DGCR8: variants seen among roughly 807,000 people sequenced by gnomAD.
DGCR8 encodes the protein DGCR8 microprocessor complex subunit.
DGCR8 carries 14 observed loss-of-function variants against 78.5 expected under a neutral mutation model. The observed-to-expected ratio is 0.18, with a 90% CI of 0.12 to 0.28. DGCR8 has a LOEUF of 0.28. Ranked by LOEUF, DGCR8 falls within the 10% of genes least tolerant of loss-of-function variation. The probability of loss-of-function intolerance (pLI) is 1.00; values close to 1 mark genes in which losing one functional copy is unlikely to be tolerated. For missense variants in DGCR8, 702 were observed against 1,022.5 expected (o/e 0.69, Z 4.28); for synonymous variants, 399 against 402.4 (o/e 0.99, Z 0.10).
In DGCR8 at chr22:20,110,884, G is replaced by C. The variant is rs1304635414; in HGVS notation, c.*776G>C. The stretch of plus-strand genomic sequence containing the variant: ...ACTGAGGCCCTCTCTGCCTTTCCTG[G>C]CCTCCGGCAACAGTTTTTTACAAAG... On this transcript the variant is annotated 3_prime_UTR_variant, in exon 14 of 14. Coordinates refer to ENST00000351989, the MANE Select transcript of DGCR8 (RefSeq NM_022720.7). The C allele has an allele frequency of 7.2e-6, 2 of 278,688 alleles. No homozygotes were observed. Among genetic ancestry groups the C allele is most frequent in the Non-Finnish European group, 1.3e-5 (2 of 151,230 alleles). 17.3% of individuals were successfully genotyped at this position (278,688 alleles called of 1,614,324 possible).
intron 9 of DGCR8, among the ~76,000 whole-genome samples, chr22:20,097,769 T>A (rs933547817): frequency 1.6e-4 from 25 of 151,886 alleles, no homozygotes; most frequent in African/African-American, 4.6e-4. Context: ...CTGTCTTTTT[T>A]AAAAAAATTC....
At chr22:20,100,656 GTTC>G (rs1362721134) in intron 9 of DGCR8, 15 of 985,324 alleles carry the variant, frequency 1.5e-5, no homozygotes, top group Non-Finnish European at 1.8e-5. Context: ...CCACTCTGGG[GTTC>G]TTCTGTGAAG....
At chr22:20,106,460 C>A in intron 10 of DGCR8, 132 bp from the exon 11 acceptor site, 1 of 828,460 alleles carries the variant, frequency 1.2e-6, no homozygotes, top group Admixed American at 2.1e-5. Flanking sequence ...GTGGAGAATT[C>A]CCTCCTCTGG....
chr22:20,087,428 G>A lies in DGCR8; in HGVS notation c.880+107G>A. 1 of 1,308,858 alleles carries A rather than the reference G, an allele frequency of 7.6e-7. No homozygotes were observed. Among genetic ancestry groups the A allele is most frequent in the African/African-American group, 1.5e-5 (1 of 67,036 alleles). 81.1% of individuals were successfully genotyped at this position (1,308,858 alleles called of 1,614,324 possible). ...GCTCTGGTGCCAGGTAGTGGGCTGGGTGGAGGCATGTTTGAGGACAGGACA... is the reference window on the plus strand; with the variant it reads ...GCTCTGGTGCCAGGTAGTGGGCTGGATGGAGGCATGTTTGAGGACAGGACA... On this transcript the variant is annotated intron_variant, in intron 3 of 13. Transcript: ENST00000351989. This position sits in a 1 kb window ranked among gnomAD's most constrained non-coding sequence, Gnocchi z 4.1.
chr22:20,092,057 C>G (rs1318999452), intron 7 of DGCR8, 87 bp downstream of exon 7: 1 of 1,014,776 alleles, frequency 9.9e-7, no homozygotes, highest in Admixed American at 2.1e-5. Flanking sequence ...TGACCGCTAG[C>G]CCTACTCTAC....
intron 9 of DGCR8, among the ~76,000 whole-genome samples, chr22:20,099,093 G>C (rs2049665380): frequency 6.6e-6 from 1 of 152,210 alleles, no homozygotes; most frequent in Admixed American, 6.5e-5. Flanking sequence ...GATGAGAGCT[G>C]TGGGTCTGTG....
intron 9 of DGCR8, among the ~76,000 whole-genome samples, chr22:20,096,812 C>T (rs1312739622): frequency 6.6e-6 from 1 of 152,134 alleles, no homozygotes; most frequent in Non-Finnish European, 1.5e-5. Context: ...TGTGCTATGT[C>T]AGCTGTAGGT....
chr22:20,102,089 T>C (rs1051816645), intron 9 of DGCR8: 3 of 982,412 alleles, frequency 3.1e-6, no homozygotes, highest in Non-Finnish European at 3.6e-6. Context: ...TCTTTTTTTT[T>C]TTTCATCTTA....
At chr22:20,096,664 G>C (rs2049632178) in intron 9 of DGCR8, 1 of 173,674 alleles carries the variant, frequency 5.8e-6, no homozygotes, top group African/African-American at 2.4e-5. Context: ...ATACCCATTA[G>C]CATTCCCTCT....
chr22:20,111,837 T>G lies in DGCR8; in HGVS notation c.*1729T>G. 1 of 186,694 alleles carries G rather than the reference T, an allele frequency of 5.4e-6. No individual in the cohort carries two copies. The highest frequency in any genetic ancestry group is 1.1e-5 in the Non-Finnish European group (1 of 90,688). 11.6% of individuals were successfully genotyped at this position (186,694 alleles called of 1,614,324 possible). A position where few individuals can be genotyped will look rare whatever the true frequency, so the allele number is the denominator to read the frequency against. ...CTGGGCTGTGCCTGGAAGGCGAGCC[T>G]TGATTGTCTGAACACATAAAGCAAA... On this transcript the variant is annotated 3_prime_UTR_variant, in exon 14 of 14. Coordinates refer to ENST00000351989, the MANE Select transcript of DGCR8 (RefSeq NM_022720.7).
Position 20,111,531 on chromosome 22 carries a change from T to G in DGCR8, c.*1423T>G, listed in dbSNP as rs1357309641. 2.5e-6 allele frequency: 1 copy of G among 397,760 alleles called. No individual in the cohort carries two copies. Among genetic ancestry groups the G allele is most frequent in the African/African-American group, 2.1e-5 (1 of 48,616 alleles). 24.6% of individuals were successfully genotyped at this position (397,760 alleles called of 1,614,324 possible). On this transcript the variant is annotated 3_prime_UTR_variant, in exon 14 of 14. Coordinates refer to ENST00000351989, the MANE Select transcript of DGCR8 (RefSeq NM_022720.7). Reference sequence around the variant, plus strand: ...ACACTTGCTTCTGTCTTGCCTCCTGTCTGCAGCTGTGAATAGTCATTTGAC... The same window carrying G: ...ACACTTGCTTCTGTCTTGCCTCCTGGCTGCAGCTGTGAATAGTCATTTGAC...
Position 20,085,842 on chromosome 22 carries a change from G to A in DGCR8, c.-122G>A, listed in dbSNP as rs933098859. On this transcript the variant is annotated 5_prime_UTR_variant, in exon 2 of 14. Transcript: ENST00000351989. The surrounding 1 kb of genome is among the most constrained non-coding windows in gnomAD (Gnocchi z 6.2). ...GCAATGTGGCCAGCTTGACTAAGCC[G>A]CCAGCGCACAGCGCGGCAGGACGCG... The A allele has an allele frequency of 6.7e-6, 10 of 1,488,752 alleles. No individual in the cohort carries two copies. The highest frequency in any genetic ancestry group is 1.4e-5 in the South Asian group (1 of 72,496). 92.2% of individuals were successfully genotyped at this position (1,488,752 alleles called of 1,614,324 possible).
At position 20,085,701 on chromosome 22, in the gene DGCR8, G is replaced by C. The variant is rs1283086924; in HGVS notation, c.-263G>C. The C allele has an allele frequency of 7.7e-6, 10 of 1,300,034 alleles. No individual in the cohort carries two copies. The highest frequency in any genetic ancestry group is 9.7e-6 in the Non-Finnish European group (10 of 1,027,938). 80.5% of individuals were successfully genotyped at this position (1,300,034 alleles called of 1,614,324 possible). On this transcript the variant is annotated 5_prime_UTR_variant, in exon 2 of 14. Transcript: ENST00000351989. This position sits in a 1 kb window ranked among gnomAD's most constrained non-coding sequence, Gnocchi z 6.2. ...TTTCTTTGCAGGTAGAAGAAGAAAG[G>C]TGCCACTCCGGCATGAAGACAGACT... is the stretch of plus-strand genomic sequence containing the variant.
intron 8 of DGCR8, 55 bp from the exon 9 acceptor site, chr22:20,094,658 G>T (rs1159422259): frequency 1.3e-6 from 2 of 1,495,250 alleles, no homozygotes; most frequent in Non-Finnish European, 9.3e-7. Flanking sequence ...ACTCTGCAGG[G>T]TGGTGAGAAG....
intron 13 of DGCR8, among the ~76,000 whole-genome samples, chr22:20,109,489 G>C (rs1345639646): frequency 1.3e-5 from 2 of 152,232 alleles, no homozygotes; most frequent in Non-Finnish European, 2.9e-5. Flanking sequence ...GCTTTCTTAA[G>C]TGTGGCAGTC....
At chr22:20,104,180 C>T (rs1245360128) in intron 9 of DGCR8, among the ~76,000 whole-genome samples, 1 of 142,152 alleles carries the variant, frequency 7.0e-6, no homozygotes, top group African/African-American at 2.6e-5. Flanking sequence ...TTTTTTGAGA[C>T]GGAGTCTCGC....
At chr22:20,096,223 A>C (rs1052423587) in intron 9 of DGCR8, among the ~76,000 whole-genome samples, 2 of 152,192 alleles carry the variant, frequency 1.3e-5, no homozygotes, top group African/African-American at 4.8e-5. Flanking sequence ...AGGAAGAGAA[A>C]ATTTATTTAC....
intron 9 of DGCR8, among the ~76,000 whole-genome samples, chr22:20,104,123 C>T (rs1392570033): frequency 6.6e-6 from 1 of 151,520 alleles, no homozygotes; most frequent in African/African-American, 2.4e-5. Context: ...CATGTGGCCT[C>T]AGGCAGCTTG....
intron 11 of DGCR8, 165 bp from the exon 12 acceptor site, chr22:20,107,106 G>A (rs1438762960): frequency 4.2e-6 from 3 of 717,012 alleles, no homozygotes; most frequent in Non-Finnish European, 7.2e-6. Flanking sequence ...GCTGGGTACT[G>A]TGAGACTCAG....
Sources: gnomAD v4.1 joint callset for allele counts (sites outside exome capture counted in the v4.1 genomes callset) on GRCh38, gnomAD v4.1.1 for gene constraint, Gnocchi (gnomAD v3.1) non-coding constraint, MANE v1.5 for transcripts, NCBI Gene and HGNC (gene_info 2026-07-23, HGNC 2026-07-21) for gene names.